Variants in SMURF1 observed in about 807,000 individuals in gnomAD.
The protein encoded by SMURF1 is E3 ubiquitin-protein ligase SMURF1.
A neutral mutation model predicts 98.0 loss-of-function variants in SMURF1; 44 were observed. That is an observed-to-expected ratio of 0.45 (90% CI 0.35 to 0.58). The LOEUF is 0.58. SMURF1 is among the 20% of genes least tolerant of loss of function. The pLI, the probability that SMURF1 is intolerant of heterozygous loss-of-function variation, is 0.00. For missense variants in SMURF1, 687 were observed against 938.4 expected (o/e 0.73, Z 3.50); for synonymous variants, 396 against 374.9 (o/e 1.06, Z -0.65).
chr7:99,056,185 G>A (rs548318090), intron 5 of SMURF1, among the ~76,000 whole-genome samples: 2 of 152,198 alleles, frequency 1.3e-5, no homozygotes, highest in Non-Finnish European at 2.9e-5. Context: ...ATTTCAGGGT[G>A]TATGTCTGCA....
At chr7:99,057,920 A>T (rs1334535653) in intron 3 of SMURF1, among the ~76,000 whole-genome samples, 1 of 151,858 alleles carries the variant, frequency 6.6e-6, no homozygotes, top group African/African-American at 2.4e-5. Context: ...CTGAATTATG[A>T]TATCTCATTG....
chr7:99,143,810 C>A lies in SMURF1; in HGVS notation c.-30G>T. ...CGCCAACGATCGGGCAGCCGCGGAT[C>A]CAGCGCCACCGCCCCCCAGCCCGGC... On this transcript the variant is annotated 5_prime_UTR_variant, in exon 1 of 18. Coordinates refer to ENST00000361368, the MANE Select transcript of SMURF1 (RefSeq NM_181349.3). 1 of 1,536,578 alleles carries A rather than the reference C, an allele frequency of 6.5e-7. No individual in the cohort carries two copies. Among genetic ancestry groups the A allele is most frequent in the Non-Finnish European group, 8.7e-7 (1 of 1,144,678 alleles).
chr7:99,141,277 GGATT>G (rs1798113273), intron 1 of SMURF1, among the ~76,000 whole-genome samples: 1 of 152,162 alleles, frequency 6.6e-6, no homozygotes, highest in South Asian at 2.1e-4. Context: ...TTGGCAAATA[GGATT>G]GATTAATATA....
chr7:99,118,635 T>C (rs1412646395), intron 1 of SMURF1, among the ~76,000 whole-genome samples: 1 of 151,980 alleles, frequency 6.6e-6, no homozygotes, highest in East Asian at 1.9e-4. Context: ...AAGCCTAGGG[T>C]TGGGGGAACA....
chr7:99,083,424 A>C (rs1796612560), intron 1 of SMURF1, among the ~76,000 whole-genome samples: 1 of 152,250 alleles, frequency 6.6e-6, no homozygotes, highest in African/African-American at 2.4e-5. Context: ...ACAAAGTATG[A>C]TATGACTGCC....
rs1476370456 is a variant in SMURF1 at position 99,117,798 on chromosome 7, T to G, written c.55+25928A>C. Among the ~76,000 whole-genome samples the G allele has an allele frequency of 5.9e-5, 9 of 151,636 alleles. No homozygotes were observed. The East Asian group carries it at 1.8e-3, about 30-fold the overall frequency. On this transcript the variant is annotated intron_variant, in intron 1 of 17. Coordinates refer to ENST00000361368, the MANE Select transcript of SMURF1 (RefSeq NM_181349.3). ...ATGAGTCTAATATCAAGAATATATA[T>G]GCTGAGCGTGGTGGCTCACGCCTGT... is the stretch of plus-strand genomic sequence containing the variant.
intron 1 of SMURF1, among the ~76,000 whole-genome samples, chr7:99,101,933 CAAA>C (rs1286445271): frequency 2.6e-5 from 3 of 116,562 alleles, no homozygotes; most frequent in Non-Finnish European, 1.9e-5. Flanking sequence ...GACCACGTCT[CAAA>C]AAAAAAAAAA....
At chr7:99,142,362 A>C (rs1199093854) in intron 1 of SMURF1, among the ~76,000 whole-genome samples, 4 of 151,960 alleles carry the variant, frequency 2.6e-5, no homozygotes, top group Non-Finnish European at 5.9e-5. Context: ...AATGCAGAAA[A>C]GGTAAAAATT....
chr7:99,139,368 T>C (rs1340869847), intron 1 of SMURF1, among the ~76,000 whole-genome samples: 2 of 152,190 alleles, frequency 1.3e-5, no homozygotes, highest in East Asian at 1.9e-4. Context: ...CTTCACAATA[T>C]GCAGTCATGC....
At chr7:99,050,973 C>A (rs1795738479) in intron 8 of SMURF1, 1 of 1,551,374 alleles carries the variant, frequency 6.4e-7, no homozygotes, top group Non-Finnish European at 8.7e-7. Context: ...GCATCTCCCC[C>A]AGGAATGGTC....
At chr7:99,096,726 C>G (rs1271285842) in intron 1 of SMURF1, among the ~76,000 whole-genome samples, 3 of 152,156 alleles carry the variant, frequency 2.0e-5, no homozygotes, top group Non-Finnish European at 4.4e-5. Context: ...CGTAAAAACT[C>G]TAATCAGCAA....
At chr7:99,117,224 A>T (rs1797477956) in intron 1 of SMURF1, among the ~76,000 whole-genome samples, 2 of 152,192 alleles carry the variant, frequency 1.3e-5, no homozygotes, top group Admixed American at 6.5e-5. Context: ...TAGAACAAAG[A>T]TCTAAATTTA....
rs967499719 is a variant in SMURF1 at position 99,061,816 on chromosome 7, G to A, written c.77C>T (p.Ala26Val). 1 of 1,604,962 alleles carries A rather than the reference G, an allele frequency of 6.2e-7. No individual in the cohort carries two copies. The highest frequency in any genetic ancestry group is 8.5e-7 in the Non-Finnish European group (1 of 1,176,082). The change falls in exon 2 of 18, where the codon GCA (alanine) becomes GTA (valine). Residue 26 changes from alanine to valine, a missense_variant. Coordinates refer to ENST00000361368, the MANE Select transcript of SMURF1 (RefSeq NM_181349.3). ...TTACTTACTGAAGAAGTCTTTCTTT[G>A]CAAGGTTCTTGGCACATAACACTAA... ...RLTVLCAKNL[A>V]KKDFFRLPDP...
intron 1 of SMURF1, among the ~76,000 whole-genome samples, chr7:99,117,381 CT>C (rs1797482624): frequency 6.6e-6 from 1 of 152,110 alleles, no homozygotes; most frequent in Admixed American, 6.6e-5. Flanking sequence ...CAGAGTCTCA[CT>C]CTGTCGCCCA....
chr7:99,065,985 G>A (rs1329620016), intron 1 of SMURF1, among the ~76,000 whole-genome samples: 1 of 151,730 alleles, frequency 6.6e-6, no homozygotes, highest in East Asian at 1.9e-4. Flanking sequence ...GGCGGAGGTT[G>A]CAGTGAACTG....
rs757408317 is a variant in SMURF1 at position 99,032,391 on chromosome 7, G to T, written c.2096+646C>A. Among the ~76,000 whole-genome samples the T allele has an allele frequency of 2.0e-5, 3 of 152,288 alleles. No individual in the cohort carries two copies. The South Asian group carries it at 6.2e-4, about 32-fold the overall frequency. On this transcript the variant is annotated intron_variant, in intron 17 of 17. Transcript: ENST00000361368. ...CAGCTTTAAAAAATAACATGAGGCCGGGCTTGGTGGCTCACGCCTGTAATC... is the reference window on the plus strand; with the variant it reads ...CAGCTTTAAAAAATAACATGAGGCCTGGCTTGGTGGCTCACGCCTGTAATC...
intron 7 of SMURF1, among the ~76,000 whole-genome samples, chr7:99,051,890 TGTAATCC>T (rs1795761077): frequency 1.3e-5 from 2 of 152,222 alleles, no homozygotes; most frequent in African/African-American, 4.8e-5. Context: ...GGCTCACACC[TGTAATCC>T]CAGCACTTGG....
intron 1 of SMURF1, among the ~76,000 whole-genome samples, chr7:99,100,869 G>C (rs978481736): frequency 2.0e-5 from 3 of 152,196 alleles, no homozygotes; most frequent in Non-Finnish European, 4.4e-5. Context: ...GAGTCAAAGA[G>C]AGATACAATA....
At chr7:99,047,307 G>A (rs547854349) in intron 10 of SMURF1, among the ~76,000 whole-genome samples, 7 of 152,350 alleles carry the variant, frequency 4.6e-5, no homozygotes, top group African/African-American at 1.7e-4. Context: ...GCAGATTGCA[G>A]ATTGCAGGAA....
Sources: gnomAD v4.1 joint callset for allele counts (sites outside exome capture counted in the v4.1 genomes callset) on GRCh38, gnomAD v4.1.1 for gene constraint, MANE v1.5 for transcripts, NCBI Gene and HGNC (gene_info 2026-07-23, HGNC 2026-07-21) for gene names.